ANK2: variants seen among roughly 807,000 people sequenced by gnomAD.
The protein encoded by ANK2 is ankyrin 2.
ANK2 carries 83 observed loss-of-function variants against 360.5 expected under a neutral mutation model. That is an observed-to-expected ratio of 0.23 (90% CI 0.19 to 0.28). The LOEUF (loss-of-function observed/expected upper bound fraction) is 0.28, where lower values mean the gene tolerates loss of function less well. Among genes scored for constraint, ANK2 ranks in the 10% least tolerant of loss-of-function variants. The pLI, the probability that ANK2 is intolerant of heterozygous loss-of-function variation, is 1.00. For synonymous variants in ANK2, 1,740 were observed against 1,759.5 expected, an observed-to-expected ratio of 0.99 and a Z score of 0.28; for missense variants, 4,201 against 4,795.7, an observed-to-expected ratio of 0.88 and a Z score of 3.66.
At chr4:113,047,827 A>C (rs1470685243), upstream of ANK2, among the ~76,000 whole-genome samples, 1 of 151,832 alleles carries the variant, frequency 6.6e-6, no homozygotes, top group Non-Finnish European at 1.5e-5. Flanking sequence ...AACAGAGTTG[A>C]CTCCAGATGA....
At chr4:113,134,417 A>T (rs778270789) in intron 1 of ANK2, among the ~76,000 whole-genome samples, 4 of 150,928 alleles carry the variant, frequency 2.7e-5, no homozygotes, top group Non-Finnish European at 5.9e-5. Flanking sequence ...GTGCATAGAG[A>T]TCTCTGAATG....
chr4:113,335,376 C>G (rs940757679), intron 29 of ANK2, among the ~76,000 whole-genome samples: 2 of 152,128 alleles, frequency 1.3e-5, no homozygotes, highest in Non-Finnish European at 2.9e-5. Context: ...GCATTATTCC[C>G]CTGAAAACCC....
Position 113,354,127 on chromosome 4 carries a change from G to A in ANK2, c.5509G>A (p.Ala1837Thr), listed in dbSNP as rs199527708. Residue 1837 changes from alanine to threonine, a missense_variant, in exon 38 of 46, where the codon GCA (alanine) becomes ACA (threonine). Transcript: ENST00000357077. ...AAGACACTCTACTCTTTCCTCTTCC[G>A]CAAAAACTGAAAGGCACCCTCCAGT... ...TERHSTLSSS[A>T]KTERHPPVSP... 290 of 1,613,884 alleles carry A rather than the reference G, an allele frequency of 1.8e-4. No homozygotes were observed. Among genetic ancestry groups the A allele is most frequent in the Middle Eastern group, 4.9e-4 (3 of 6,082 alleles).
At chr4:113,173,892 G>A (rs565959093) in intron 1 of ANK2, 29 of 160,408 alleles carry the variant, frequency 1.8e-4, no homozygotes, top group African/African-American at 6.2e-4. Context: ...GGAGCTTTCT[G>A]TTATTCCCTT....
At chr4:112,792,482 A>G in the ANK2 span, among the ~76,000 whole-genome samples, 10 of 152,340 alleles carry the variant, frequency 6.6e-5, no homozygotes, top group East Asian at 1.2e-3. Context: ...TAGTATTGCC[A>G]TGGAATTTGA....
intron 1 of ANK2, among the ~76,000 whole-genome samples, chr4:113,053,837 A>G (rs897635691): frequency 2.0e-5 from 3 of 152,114 alleles, no homozygotes; most frequent in Admixed American, 2.0e-4. Context: ...GTCTCAAGCA[A>G]TTCTCTCTCA....
chr4:112,819,822 C>T (rs1421295871), intron 1 of ANK2, among the ~76,000 whole-genome samples: 5 of 152,184 alleles, frequency 3.3e-5, no homozygotes, highest in Non-Finnish European at 7.3e-5. Context: ...GGGTCTGCAT[C>T]ACTGCTTGTA....
chr4:112,784,877 G>A, the ANK2 span, among the ~76,000 whole-genome samples: 219 of 152,246 alleles, frequency 1.4e-3, no homozygotes, highest in African/African-American at 5.2e-3. Flanking sequence ...TTCTCATTTG[G>A]TCTTACAGAA....
chr4:113,153,986 A>C (rs2097184530), intron 1 of ANK2, among the ~76,000 whole-genome samples: 1 of 152,226 alleles, frequency 6.6e-6, no homozygotes, highest in African/African-American at 2.4e-5. Context: ...TCAGCACATA[A>C]GAGCATAAAA....
At chr4:112,806,212 C>T in the ANK2 span, among the ~76,000 whole-genome samples, 1 of 152,186 alleles carries the variant, frequency 6.6e-6, no homozygotes, top group Admixed American at 6.5e-5. Flanking sequence ...CCCCCTCACA[C>T]TACCCTTCCT....
chr4:112,822,858 C>A (rs2057506225), intron 1 of ANK2, among the ~76,000 whole-genome samples: 2 of 143,214 alleles, frequency 1.4e-5, no homozygotes, highest in African/African-American at 5.1e-5. Flanking sequence ...CAATGCTAGA[C>A]CCACAAGAGA....
At chr4:113,328,194 A>G (rs1045072839) in intron 26 of ANK2, among the ~76,000 whole-genome samples, 1 of 152,192 alleles carries the variant, frequency 6.6e-6, no homozygotes, top group African/African-American at 2.4e-5. Context: ...AAGCAGGTGT[A>G]TTATAATAAT....
the ANK2 span, among the ~76,000 whole-genome samples, chr4:112,754,411 C>A: frequency 6.6e-6 from 1 of 151,340 alleles, no homozygotes; most frequent in Non-Finnish European, 1.5e-5. Context: ...TATGGTTGAT[C>A]TGAAGTTTCT....
At chr4:112,977,363 T>C (rs1306774125) in intron 2 of ANK2, among the ~76,000 whole-genome samples, 1 of 152,070 alleles carries the variant, frequency 6.6e-6, no homozygotes, top group East Asian at 1.9e-4. Context: ...GAAAGTACTT[T>C]GGGAAATTCA....
At chr4:113,011,194 C>T (rs1409484832) in intron 2 of ANK2, among the ~76,000 whole-genome samples, 1 of 152,100 alleles carries the variant, frequency 6.6e-6, no homozygotes, top group Non-Finnish European at 1.5e-5. Flanking sequence ...CATTTTTATA[C>T]ATCTATGCTG....
chr4:112,983,671 G>A lies in ANK2; in HGVS notation c.21+79157G>A, dbSNP rs535716116. Among the ~76,000 whole-genome samples the A allele has an allele frequency of 1.1e-3, 139 of 132,042 alleles. 1 individual carries two copies. The highest frequency in any genetic ancestry group is 6.0e-3 in the Admixed American group (83 of 13,884). 86.6% of individuals were successfully genotyped at this position (132,042 alleles called of 152,430 possible). ...GCCTGAGCAACAAGAGTGAAACTCC[G>A]TCTCAGAAAAAAAAAAAGTGCTAGA... On this transcript the variant is annotated intron_variant, in intron 2 of 30. Coordinates refer to the ANK2 transcript ENST00000503271.
chr4:113,186,437 G>A (rs917627013), intron 2 of ANK2, among the ~76,000 whole-genome samples: 1 of 152,016 alleles, frequency 6.6e-6, no homozygotes, highest in Non-Finnish European at 1.5e-5. Flanking sequence ...AATACACGAA[G>A]ATGAAGAAAA....
At chr4:113,091,160 C>G (rs1012359881) in intron 1 of ANK2, among the ~76,000 whole-genome samples, 2 of 152,328 alleles carry the variant, frequency 1.3e-5, no homozygotes, top group African/African-American at 4.8e-5. Flanking sequence ...GGCAGTAATA[C>G]TTCAGCACAG....
At chr4:113,329,859 G>T (rs1029266286) in intron 26 of ANK2, among the ~76,000 whole-genome samples, 2 of 152,080 alleles carry the variant, frequency 1.3e-5, no homozygotes, top group Admixed American at 6.5e-5. Context: ...GATTTTTTAG[G>T]ATGTACACAT....
Sources: gnomAD v4.1 joint callset for allele counts (sites outside exome capture counted in the v4.1 genomes callset) on GRCh38, gnomAD v4.1.1 for gene constraint, MANE v1.5 for transcripts, NCBI Gene and HGNC (gene_info 2026-07-23, HGNC 2026-07-21) for gene names.